Variants in GPC6 observed in about 807,000 individuals in gnomAD.
The protein encoded by GPC6 is glypican-6.
Under a neutral mutation model 55.2 loss-of-function variants are expected in GPC6, and 14 were observed. That is an observed-to-expected ratio of 0.25 (90% CI 0.17 to 0.40). The LOEUF (loss-of-function observed/expected upper bound fraction) is 0.40. Ranked by LOEUF, GPC6 falls within the 10% of genes least tolerant of loss-of-function variation. The probability of loss-of-function intolerance (pLI) is 1.00; values close to 1 mark genes in which losing one functional copy is unlikely to be tolerated. For missense variants in GPC6, 641 were observed against 708.5 expected (o/e 0.90, Z 1.08); for synonymous variants, 278 against 259.6 (o/e 1.07, Z -0.68).
At chr13:93,625,349 G>A (rs1594321370) in intron 2 of GPC6, among the ~76,000 whole-genome samples, 1 of 152,316 alleles carries the variant, frequency 6.6e-6, no homozygotes, top group East Asian at 1.9e-4. Context: ...AAAAAAGAAA[G>A]TAATTAAACT....
chr13:94,245,442 T>G (rs1189491984), intron 4 of GPC6, among the ~76,000 whole-genome samples: 1 of 151,840 alleles, frequency 6.6e-6, no homozygotes, highest in East Asian at 1.9e-4. Flanking sequence ...AGGTGGCACA[T>G]TCCTATAGTC....
At chr13:93,898,954 T>TATAC (rs535455082) in intron 3 of GPC6, among the ~76,000 whole-genome samples, 1 of 146,612 alleles carries the variant, frequency 6.8e-6, no homozygotes, top group Non-Finnish European at 1.5e-5. Flanking sequence ...TATATATATA[T>TATAC]ATATATATAT....
At chr13:93,944,496 A>G (rs1315542847) in intron 3 of GPC6, among the ~76,000 whole-genome samples, 1 of 152,012 alleles carries the variant, frequency 6.6e-6, no homozygotes, top group Admixed American at 6.6e-5. Context: ...GAGCCACCAC[A>G]CCCAGCCCAC....
At chr13:93,366,662 A>G (rs558491803) in intron 1 of GPC6, among the ~76,000 whole-genome samples, 7 of 152,148 alleles carry the variant, frequency 4.6e-5, no homozygotes, top group Non-Finnish European at 5.9e-5. Flanking sequence ...GGGGAAAGAA[A>G]CTCATTCAAA....
intron 4 of GPC6, among the ~76,000 whole-genome samples, chr13:94,150,233 C>G (rs914095402): frequency 7.2e-5 from 11 of 152,124 alleles, no homozygotes; most frequent in African/African-American, 2.7e-4. Flanking sequence ...ATCTCTGGAA[C>G]TGGTCCACTT....
At chr13:94,061,526 A>G (rs1488031225) in intron 4 of GPC6, among the ~76,000 whole-genome samples, 1 of 152,120 alleles carries the variant, frequency 6.6e-6, no homozygotes, top group Non-Finnish European at 1.5e-5. Flanking sequence ...CTGAATTTGC[A>G]GCACATGGTT....
At chr13:94,373,090 T>C (rs1277642174) in intron 6 of GPC6, among the ~76,000 whole-genome samples, 1 of 151,962 alleles carries the variant, frequency 6.6e-6, no homozygotes, top group African/African-American at 2.4e-5. Flanking sequence ...AGACCAAAAG[T>C]AGATAAAACC....
rs116379565 is a variant in GPC6 at position 93,599,877 on chromosome 13, A to G, written c.319+54456A>G. Among the ~76,000 whole-genome samples, 918 of 152,302 alleles carry G rather than the reference A, an allele frequency of 6.0e-3. 17 individuals carry two copies. The highest frequency in any genetic ancestry group is 0.021 in the African/African-American group (863 of 41,570). The stretch of plus-strand genomic sequence containing the variant: ...GAAATGGAGGATGGGCTTAAGAGAA[A>G]GAGTATTTCACAAATGTCTGCATAG... On this transcript the variant is annotated intron_variant, in intron 2 of 8. Coordinates refer to ENST00000377047, the MANE Select transcript of GPC6 (RefSeq NM_005708.5).
chr13:94,361,290 AC>A (rs1271344740), intron 6 of GPC6, among the ~76,000 whole-genome samples: 2 of 152,184 alleles, frequency 1.3e-5, no homozygotes, highest in Non-Finnish European at 2.9e-5. Flanking sequence ...ATGGGATACT[AC>A]CTGCATAGTT....
At chr13:93,774,249 G>A (rs1035732171) in intron 2 of GPC6, among the ~76,000 whole-genome samples, 3 of 152,122 alleles carry the variant, frequency 2.0e-5, no homozygotes, top group African/African-American at 7.2e-5. Flanking sequence ...TTCAATGGAG[G>A]TTAGGTCTTC....
intron 2 of GPC6, among the ~76,000 whole-genome samples, chr13:93,784,741 G>A (rs1354362841): frequency 6.6e-6 from 1 of 152,110 alleles, no homozygotes; most frequent in East Asian, 1.9e-4. Context: ...GAACTTCCTT[G>A]TAAATTGAAA....
At chr13:93,367,324 T>C (rs1038711655) in intron 1 of GPC6, among the ~76,000 whole-genome samples, 4 of 152,098 alleles carry the variant, frequency 2.6e-5, no homozygotes, top group African/African-American at 9.7e-5. Context: ...TTTGGCATTA[T>C]TTTTGTCATA....
chr13:94,212,879 C>T (rs1431489769), intron 4 of GPC6, among the ~76,000 whole-genome samples: 3 of 152,176 alleles, frequency 2.0e-5, no homozygotes, highest in Admixed American at 6.6e-5. Flanking sequence ...CTACTAGGGC[C>T]GGGCACGGTG....
chr13:93,903,074 G>T (rs373686963), intron 3 of GPC6, among the ~76,000 whole-genome samples: 1 of 152,088 alleles, frequency 6.6e-6, no homozygotes, highest in African/African-American at 2.4e-5. Flanking sequence ...ACGCATAATG[G>T]ATTAAAGACT....
At chr13:93,228,362 C>T (rs1273532898) in intron 1 of GPC6, among the ~76,000 whole-genome samples, 1 of 152,220 alleles carries the variant, frequency 6.6e-6, no homozygotes, top group Non-Finnish European at 1.5e-5. Context: ...CTGGAGCCGG[C>T]CTCGTCTGCC....
At chr13:93,468,792 A>C (rs1566373206) in intron 1 of GPC6, among the ~76,000 whole-genome samples, 1 of 152,258 alleles carries the variant, frequency 6.6e-6, no homozygotes, top group Admixed American at 6.5e-5. Flanking sequence ...AGGATGGGGC[A>C]GTTTCAATAG....
At chr13:94,232,971 G>A (rs1341259441) in intron 4 of GPC6, among the ~76,000 whole-genome samples, 1 of 139,036 alleles carries the variant, frequency 7.2e-6, no homozygotes, top group Non-Finnish European at 1.5e-5. Flanking sequence ...ATTCACAATA[G>A]TTCAGGTTTT....
chr13:94,240,814 G>A (rs1200175637), intron 4 of GPC6, among the ~76,000 whole-genome samples: 1 of 152,054 alleles, frequency 6.6e-6, no homozygotes, highest in Non-Finnish European at 1.5e-5. Context: ...TACAGAGGAA[G>A]CAGGTCTTTT....
At chr13:94,251,880 T>C (rs1009285204) in intron 4 of GPC6, among the ~76,000 whole-genome samples, 4 of 149,896 alleles carry the variant, frequency 2.7e-5, no homozygotes, top group African/African-American at 1.0e-4. Flanking sequence ...TTCTCATCTG[T>C]CTCCTGCTGC....
Sources: allele counts gnomAD v4.1 joint callset (sites outside exome capture counted in the v4.1 genomes callset), GRCh38; gene constraint gnomAD v4.1.1; transcripts MANE v1.5; gene names NCBI Gene and HGNC (gene_info 2026-07-23, HGNC 2026-07-21).